Variants in CEP126 observed in about 807,000 individuals in gnomAD.
CEP126 encodes centrosomal protein of 126 kDa.
A neutral mutation model predicts 107.8 loss-of-function variants in CEP126; 74 were observed. The ratio of observed to expected loss-of-function variants is 0.69; its 90% confidence interval spans 0.57 to 0.83. The LOEUF (loss-of-function observed/expected upper bound fraction) is 0.83. CEP126 is among the 40% of genes least tolerant of loss of function. CEP126 has a pLI of 0.00. For missense variants in CEP126, 1,237 were observed against 1,281.9 expected, an observed-to-expected ratio of 0.96 and a Z score of 0.53; for synonymous variants, 449 against 446.0, an observed-to-expected ratio of 1.01 and a Z score of -0.08.
At chr11:101,951,025 C>A (rs367942541) in intron 4 of CEP126, among the ~76,000 whole-genome samples, 1 of 152,150 alleles carries the variant, frequency 6.6e-6, no homozygotes, top group East Asian at 1.9e-4. Context: ...AGGGATAGAT[C>A]CTTACTGCCT....
Position 101,944,307 on chromosome 11 carries a change from C to G in CEP126, c.291C>G (p.His97Gln). The change falls in exon 3 of 11, where the codon CAC (histidine) becomes CAG (glutamine). Residue 97 changes from histidine to glutamine, a missense_variant. Physicochemically the swap from His to Gln is conservative, Grantham distance 24. This residue lies in a region of CEP126 where 1,134 missense variants were observed against 1,150.5 expected (regional missense o/e 0.99). Transcript: ENST00000263468. Reference protein sequence around the residue: ...EKRKEQEEKEHQIREQILQQR... With the variant: ...EKRKEQEEKEQQIREQILQQR... Reference sequence around the variant, plus strand: ...GAAAAGAACAGGAAGAAAAAGAACACCAAATTAGAGAACAAATACTTCAAC... The same window carrying G: ...GAAAAGAACAGGAAGAAAAAGAACAGCAAATTAGAGAACAAATACTTCAAC... 1 of 1,608,652 alleles carries G rather than the reference C, an allele frequency of 6.2e-7. No homozygotes were observed. Among genetic ancestry groups the G allele is most frequent in the Non-Finnish European group, 8.5e-7 (1 of 1,178,244 alleles).
Position 101,987,013 on chromosome 11 carries a change from C to A in CEP126, c.3216C>A (p.Ser1072=). The change falls in exon 9 of 11, where the codon TCC becomes TCA. Residue 1072 remains serine, a synonymous_variant. Coordinates refer to ENST00000263468, the MANE Select transcript of CEP126 (RefSeq NM_020802.4). ...CTGAAGAACAGAAGATCCTAGAGTC[C>A]CTTAATGATCTCAGTGAAAGACTAC... is the stretch of plus-strand genomic sequence containing the variant. ...LSAEEQKILE[S]LNDLSERLHY... is the part of the protein sequence containing the mutation. The A allele has an allele frequency of 6.2e-7, 1 of 1,611,656 alleles. No homozygotes were observed. Among genetic ancestry groups the A allele is most frequent in the Non-Finnish European group, 8.5e-7 (1 of 1,178,198 alleles).
At chr11:101,990,949 G>C (rs984444438) in intron 9 of CEP126, among the ~76,000 whole-genome samples, 2 of 152,098 alleles carry the variant, frequency 1.3e-5, no homozygotes, top group African/African-American at 4.8e-5. Context: ...GAGGCAGGCA[G>C]ATCACTTGAG....
chr11:101,919,841 C>T (rs1940296190), intron 1 of CEP126, among the ~76,000 whole-genome samples: 1 of 152,172 alleles, frequency 6.6e-6, no homozygotes, highest in Non-Finnish European at 1.5e-5. Context: ...TAAGCCAAAG[C>T]ATCTTCCTCC....
At chr11:101,921,148 G>T (rs1029977715) in intron 1 of CEP126, among the ~76,000 whole-genome samples, 1 of 152,062 alleles carries the variant, frequency 6.6e-6, no homozygotes, top group Admixed American at 6.5e-5. Flanking sequence ...CAAGCTTCTG[G>T]ATACACAGAT....
At chr11:101,995,467 A>G (rs1941431367) in intron 10 of CEP126, among the ~76,000 whole-genome samples, 1 of 152,174 alleles carries the variant, frequency 6.6e-6, no homozygotes, top group South Asian at 2.1e-4. Context: ...AAGCTCTCTG[A>G]AGAATTCAAA....
chr11:101,951,673 G>T (rs949667164), intron 4 of CEP126, among the ~76,000 whole-genome samples: 26 of 151,090 alleles, frequency 1.7e-4, no homozygotes, highest in African/African-American at 6.3e-4. Context: ...CAAAGGAAAT[G>T]AAAAAAAGCA....
chr11:101,991,159 G>A (rs996789465), intron 9 of CEP126, among the ~76,000 whole-genome samples: 10 of 152,002 alleles, frequency 6.6e-5, no homozygotes, highest in East Asian at 1.9e-4. Context: ...CTTGGGCAAC[G>A]GAGGGAGACC....
In CEP126 at chr11:101,963,826, G is replaced by A. The variant is rs1475813583; in HGVS notation, c.2791G>A (p.Val931Ile). Residue 931 changes from valine (V) to isoleucine (I), a missense_variant, in exon 6 of 11, where the codon GTT (valine) becomes ATT (isoleucine). This residue lies in a region of CEP126 where 1,134 missense variants were observed against 1,150.5 expected (regional missense o/e 0.99). Transcript: ENST00000263468. ...VTLRTAEEES[V>I]PLWKRGPNVL... The stretch of plus-strand genomic sequence containing the variant: ...TCTAAGAACTGCTGAAGAAGAATCA[G>A]TTCCCTTATGGAAAAGAGGTCCTAA... 1 of 1,613,900 alleles carries A rather than the reference G, an allele frequency of 6.2e-7. No homozygotes were observed. The highest frequency in any genetic ancestry group is 8.5e-7 in the Non-Finnish European group (1 of 1,179,992).
intron 5 of CEP126, among the ~76,000 whole-genome samples, chr11:101,960,232 G>A (rs4754822): frequency 0.071 from 10,723 of 152,046 alleles, 579 homozygotes; most frequent in East Asian, 0.27. Context: ...TTAGTGGTGG[G>A]AAAAAATCTG....
intron 6 of CEP126, among the ~76,000 whole-genome samples, chr11:101,965,476 A>G (rs953554823): frequency 1.3e-5 from 2 of 152,174 alleles, no homozygotes; most frequent in Non-Finnish European, 2.9e-5. Flanking sequence ...GCAGAAGGGA[A>G]GCTAAATGCA....
chr11:101,992,634 A>G (rs377570974), intron 9 of CEP126, 144 bp from the exon 10 acceptor site: 37 of 491,498 alleles, frequency 7.5e-5, no homozygotes, highest in Middle Eastern at 5.5e-4. Flanking sequence ...TATAAAGACT[A>G]TTTCTGGGGG....
chr11:101,928,762 A>G (rs935563945), intron 2 of CEP126, among the ~76,000 whole-genome samples: 36 of 152,178 alleles, frequency 2.4e-4, no homozygotes, highest in Admixed American at 1.8e-3. Flanking sequence ...TCCTCCACCA[A>G]TACCCCACAA....
At chr11:101,917,381 C>T (rs1339259669) in intron 1 of CEP126, among the ~76,000 whole-genome samples, 1 of 151,898 alleles carries the variant, frequency 6.6e-6, no homozygotes, top group Non-Finnish European at 1.5e-5. Context: ...TTAAAATAAG[C>T]AAGTATGTGG....
intron 6 of CEP126, among the ~76,000 whole-genome samples, chr11:101,965,691 C>T (rs1482522427): frequency 6.6e-6 from 1 of 152,086 alleles, no homozygotes; most frequent in Non-Finnish European, 1.5e-5. Flanking sequence ...GAGTTTGTAG[C>T]TTGTACCAGT....
intron 8 of CEP126, among the ~76,000 whole-genome samples, chr11:101,985,988 A>ATTTTTTTTTTTTTTTT (rs773628925): frequency 4.0e-5 from 5 of 126,456 alleles, no homozygotes; most frequent in African/African-American, 5.9e-5. Context: ...CTCTGAATTG[A>ATTTTTTTTTTTTTTTT]TTTCTTTTTT....
intron 1 of CEP126, among the ~76,000 whole-genome samples, chr11:101,917,831 T>G (rs1185379626): frequency 1.3e-5 from 2 of 152,172 alleles, no homozygotes; most frequent in Non-Finnish European, 2.9e-5. Flanking sequence ...ACTACTATAG[T>G]CCTGCTCCTT....
intron 10 of CEP126, among the ~76,000 whole-genome samples, chr11:101,997,063 A>C (rs1253419700): frequency 2.0e-5 from 3 of 152,182 alleles, no homozygotes; most frequent in Admixed American, 2.0e-4. Flanking sequence ...TTTGAGACGG[A>C]GTCTTGCTCT....
At chr11:101,937,217 A>G (rs755719712) in intron 2 of CEP126, among the ~76,000 whole-genome samples, 8 of 152,248 alleles carry the variant, frequency 5.3e-5, no homozygotes, top group Non-Finnish European at 8.8e-5. Flanking sequence ...CACGTGGACA[A>G]TCTGCGGTTG....
Sources: allele counts gnomAD v4.1 joint callset (sites outside exome capture counted in the v4.1 genomes callset), GRCh38; gene constraint gnomAD v4.1.1; regional missense constraint gnomAD v4.1.1; transcripts MANE v1.5; gene names NCBI Gene and HGNC (gene_info 2026-07-23, HGNC 2026-07-21).